Variants in TSHR observed in about 807,000 individuals in gnomAD.
TSHR encodes thyrotropin receptor.
TSHR carries 51 observed loss-of-function variants against 64.1 expected under a neutral mutation model. That is an observed-to-expected ratio of 0.80 (90% CI 0.64 to 1.01). The LOEUF (loss-of-function observed/expected upper bound fraction) is 1.01. TSHR is among the 50% of genes least tolerant of loss of function. TSHR has a pLI of 0.00. For missense variants in TSHR, 877 were observed against 942.8 expected (o/e 0.93, Z 0.91); for synonymous variants, 361 against 361.9 (o/e 1.00, Z 0.03).
chr14:81,001,451 G>A (rs1177609998), intron 1 of TSHR: 6 of 490,952 alleles, frequency 1.2e-5, no homozygotes. Context: ...TATTTACCTG[G>A]GTATGCTCAA....
chr14:80,959,767 T>C (rs1389987659), intron 1 of TSHR, among the ~76,000 whole-genome samples: 2 of 152,222 alleles, frequency 1.3e-5, no homozygotes, highest in Non-Finnish European at 2.9e-5. Context: ...ATTCTGCATC[T>C]GTGGCTCTAA....
At chr14:81,001,339 G>T (rs542951246) in intron 1 of TSHR, 1 of 299,110 alleles carries the variant, frequency 3.3e-6, no homozygotes, top group Non-Finnish European at 6.6e-6. Context: ...GGAAAAATTT[G>T]TTCCTTTTCA....
intron 1 of TSHR, among the ~76,000 whole-genome samples, chr14:81,022,751 G>A (rs1883837717): frequency 6.6e-6 from 1 of 152,010 alleles, no homozygotes; most frequent in Non-Finnish European, 1.5e-5. Flanking sequence ...AACCCGGGAG[G>A]CAGAGGTTGC....
intron 3 of TSHR, among the ~76,000 whole-genome samples, chr14:81,085,122 C>T (rs560659137): frequency 2.0e-5 from 3 of 152,110 alleles, no homozygotes; most frequent in Non-Finnish European, 2.9e-5. Flanking sequence ...CCACCACACC[C>T]GGCTAATTTT....
At chr14:81,077,298 G>T (rs1026046048) in intron 3 of TSHR, among the ~76,000 whole-genome samples, 1 of 152,190 alleles carries the variant, frequency 6.6e-6, no homozygotes, top group Non-Finnish European at 1.5e-5. Context: ...AACAAAAAAT[G>T]AAACAATGTA....
At chr14:81,136,159 G>A (rs1178460574) in intron 8 of TSHR, among the ~76,000 whole-genome samples, 1 of 152,200 alleles carries the variant, frequency 6.6e-6, no homozygotes, top group African/African-American at 2.4e-5. Flanking sequence ...ACGTTGAGAA[G>A]TCACTGTAGG....
At chr14:81,045,395 A>T (rs1315838633) in intron 1 of TSHR, among the ~76,000 whole-genome samples, 1 of 152,166 alleles carries the variant, frequency 6.6e-6, no homozygotes. Context: ...TGAAAGAATT[A>T]TTATTTATTT....
intron 7 of TSHR, among the ~76,000 whole-genome samples, chr14:81,102,000 T>C (rs1889610987): frequency 6.6e-6 from 1 of 151,650 alleles, no homozygotes; most frequent in Non-Finnish European, 1.5e-5. Flanking sequence ...TGAAACCCCG[T>C]CTCTACTAAA....
At chr14:81,076,104 A>G (rs569286822) in intron 3 of TSHR, among the ~76,000 whole-genome samples, 3 of 152,220 alleles carry the variant, frequency 2.0e-5, no homozygotes, top group African/African-American at 7.2e-5. Context: ...AGGAGATCAC[A>G]TGGACACAGG....
chr14:81,094,201 A>T (rs1888979079), intron 6 of TSHR: 1 of 152,242 alleles, frequency 6.6e-6, no homozygotes, highest in South Asian at 2.1e-4. Flanking sequence ...ATGTTCCAAC[A>T]ACCGACTTTG....
intron 1 of TSHR, chr14:81,032,917 T>C: frequency 2.8e-6 from 1 of 356,654 alleles, no homozygotes; most frequent in Admixed American, 3.5e-5. Flanking sequence ...AGGAATTCCA[T>C]GAGCTGAACA....
intron 1 of TSHR, among the ~76,000 whole-genome samples, chr14:81,047,519 C>T (rs1486773943): frequency 1.3e-5 from 2 of 152,074 alleles, no homozygotes; most frequent in Non-Finnish European, 2.9e-5. Flanking sequence ...GAAATTGTAA[C>T]GATAGATGGT....
At chr14:81,076,105 T>C (rs911953943) in intron 3 of TSHR, among the ~76,000 whole-genome samples, 4 of 152,162 alleles carry the variant, frequency 2.6e-5, no homozygotes, top group African/African-American at 9.7e-5. Flanking sequence ...GGAGATCACA[T>C]GGACACAGGA....
chr14:81,143,946 ATCT>A lies in TSHR; in HGVS notation c.1891_1893del (p.Phe631del). ...AATTGCCAAGAGGATGGCTGTGTTG[ATCT>A]TCACCGACTTCATATGCATGGCCCC... On this transcript the variant is annotated inframe_deletion, in exon 10 of 10. Coordinates refer to ENST00000298171, the MANE Select transcript of TSHR (RefSeq NM_000369.5). 2.5e-6 allele frequency: 4 copies of A among 1,614,198 alleles called. No individual in the cohort carries two copies. Among genetic ancestry groups the A allele is most frequent in the Non-Finnish European group, 3.4e-6 (4 of 1,180,038 alleles).
At chr14:81,035,299 C>T (rs112449058) in intron 1 of TSHR, among the ~76,000 whole-genome samples, 10 of 152,294 alleles carry the variant, frequency 6.6e-5, no homozygotes, top group African/African-American at 2.2e-4. Flanking sequence ...TTCTCTCATA[C>T]TGTCATGCCT....
intron 8 of TSHR, among the ~76,000 whole-genome samples, chr14:81,118,768 T>C (rs995037974): frequency 3.0e-4 from 45 of 151,960 alleles, no homozygotes; most frequent in Non-Finnish European, 5.4e-4. Flanking sequence ...CACTACCTGA[T>C]TTCAAACTAT....
At chr14:81,018,939 C>G (rs1448344238) in intron 1 of TSHR, among the ~76,000 whole-genome samples, 1 of 151,964 alleles carries the variant, frequency 6.6e-6, no homozygotes, top group Non-Finnish European at 1.5e-5. Flanking sequence ...AGATGTTACT[C>G]GTGAAGACAA....
chr14:81,131,629 G>T (rs1474077943), intron 8 of TSHR, among the ~76,000 whole-genome samples: 1 of 152,022 alleles, frequency 6.6e-6, no homozygotes, highest in Admixed American at 6.6e-5. Context: ...TACACTGCTG[G>T]TCCTTTGGCC....
chr14:81,066,084 C>T (rs1456599910), intron 2 of TSHR, among the ~76,000 whole-genome samples: 1 of 152,120 alleles, frequency 6.6e-6, no homozygotes, highest in East Asian at 1.9e-4. Flanking sequence ...ATAAACGATT[C>T]CTGCCAGTTG....
Sources: gnomAD v4.1 joint callset for allele counts (sites outside exome capture counted in the v4.1 genomes callset) on GRCh38, gnomAD v4.1.1 for gene constraint, MANE v1.5 for transcripts, NCBI Gene and HGNC (gene_info 2026-07-23, HGNC 2026-07-21) for gene names.